Variants in PARVB observed in about 807,000 individuals in gnomAD.
PARVB encodes beta-parvin.
PARVB carries 46 observed loss-of-function variants against 47.0 expected under a neutral mutation model. That is an observed-to-expected ratio of 0.98 (90% CI 0.77 to 1.25). The LOEUF (loss-of-function observed/expected upper bound fraction) is 1.25, where lower values mean the gene tolerates loss of function less well. Ranked by LOEUF, PARVB falls within the 50% of genes most tolerant of loss-of-function variation. PARVB has a pLI of 0.00. For synonymous variants in PARVB, 196 were observed against 196.3 expected (o/e 1.00, Z 0.01); for missense variants, 473 against 471.6 (o/e 1.00, Z -0.03).
At chr22:44,148,990 C>T (rs1601684149) in intron 9 of PARVB, 1 of 152,260 alleles carries the variant, frequency 6.6e-6, no homozygotes, top group Admixed American at 6.5e-5. Context: ...ACATGTGGCC[C>T]CCAGGGACCC....
At chr22:44,144,386 T>C (rs1446180006) in intron 8 of PARVB, 1 of 152,252 alleles carries the variant, frequency 6.6e-6, no homozygotes, top group Non-Finnish European at 1.5e-5. Context: ...CACACCCCCA[T>C]CCCCAGGGGC....
intron 1 of PARVB, among the ~76,000 whole-genome samples, chr22:44,032,257 T>C (rs752508705): frequency 4.6e-5 from 7 of 152,142 alleles, no homozygotes; most frequent in Non-Finnish European, 8.8e-5. Flanking sequence ...TGAGCAGCAG[T>C]TTTGGCCTCG....
intron 1 of PARVB, among the ~76,000 whole-genome samples, chr22:44,081,962 G>C (rs2051911108): frequency 6.6e-6 from 1 of 152,252 alleles, no homozygotes; most frequent in African/African-American, 2.4e-5. Flanking sequence ...AAATGTGACA[G>C]ACGCAGCCTC....
intron 4 of PARVB, chr22:44,119,735 GTCC>G: frequency 1.9e-6 from 1 of 517,794 alleles, no homozygotes; most frequent in South Asian, 1.5e-5. Context: ...CGTGGTCCCT[GTCC>G]TCAGAACTTA....
At chr22:44,009,483 AG>A (rs1410591836) in intron 2 of PARVB, 2 of 152,190 alleles carry the variant, frequency 1.3e-5, no homozygotes, top group Non-Finnish European at 2.9e-5. Flanking sequence ...ACAGATACAA[AG>A]GCAGAGTTCA....
chr22:44,142,497 G>T (rs2053574926), intron 8 of PARVB: 1 of 150,756 alleles, frequency 6.6e-6, no homozygotes, highest in Non-Finnish European at 1.5e-5. Context: ...TTCGGGCCTT[G>T]TTGGAGGTTT....
intron 1 of PARVB, among the ~76,000 whole-genome samples, chr22:44,027,059 G>A (rs1262035814): frequency 6.6e-6 from 1 of 152,068 alleles, no homozygotes; most frequent in East Asian, 1.9e-4. Context: ...GATGTGCTAC[G>A]GGAGGCGTGT....
chr22:44,107,312 T>C (rs1187264513), intron 3 of PARVB: 1 of 152,340 alleles, frequency 6.6e-6, no homozygotes, highest in East Asian at 1.9e-4. Flanking sequence ...ATAGATGAGA[T>C]ACTTTAAATT....
At position 44,168,934 on chromosome 22, in the gene PARVB, T is replaced by A; in HGVS notation, c.*256T>A. 2.3e-6 allele frequency: 1 copy of A among 436,228 alleles called. No individual in the cohort carries two copies. The highest frequency in any genetic ancestry group is 4.2e-6 in the Non-Finnish European group (1 of 238,824). 27.0% of individuals were successfully genotyped at this position (436,228 alleles called of 1,614,324 possible). On this transcript the variant is annotated 3_prime_UTR_variant, in exon 13 of 13. Coordinates refer to ENST00000338758, the MANE Select transcript of PARVB (RefSeq NM_013327.5). ...AGGATTCTAAACACTCGTGCTTGCG[T>A]TTGAAGCCTCGCGTCACTCAGTCGC...
rs147223376 is a variant in PARVB, at chr22:44,028,090, C to T, written c.112+3639C>T. Among the ~76,000 whole-genome samples, 1,379 of 152,100 alleles carry T rather than the reference C, an allele frequency of 9.1e-3. 24 individuals carry two copies. The highest frequency in any genetic ancestry group is 0.032 in the African/African-American group (1,328 of 41,486). Reference sequence around the variant, plus strand: ...GTGCCCCCCGGCTGTGTGGTAGAGTCGTGAGCCAACGCTGAGACATCATTA... The same window carrying T: ...GTGCCCCCCGGCTGTGTGGTAGAGTTGTGAGCCAACGCTGAGACATCATTA... On this transcript the variant is annotated intron_variant, in intron 1 of 12. Transcript: ENST00000338758.
intron 3 of PARVB, chr22:44,110,902 T>C (rs1214332951): frequency 2.0e-5 from 3 of 152,210 alleles, no homozygotes; most frequent in African/African-American, 4.8e-5. Flanking sequence ...GCCCGGCCTA[T>C]ATATGCATTT....
intron 1 of PARVB, among the ~76,000 whole-genome samples, chr22:44,054,473 C>T (rs1486462948): frequency 6.6e-6 from 1 of 152,108 alleles, no homozygotes; most frequent in Non-Finnish European, 1.5e-5. Context: ...GCCTTGGCCT[C>T]CCAAAGTGCT....
intron 4 of PARVB, among the ~76,000 whole-genome samples, chr22:44,127,780 CTCT>C (rs1260016618): frequency 3.0e-5 from 1 of 32,794 alleles, no homozygotes; most frequent in East Asian, 1.4e-3. Flanking sequence ...TGAGGAGTCC[CTCT>C]TCTTTTTTTT....
Position 44,172,333 on chromosome 22 carries a change from G to A in PARVB, c.*3655G>A, listed in dbSNP as rs1414819553. 1.3e-5 allele frequency: 2 copies of A among 152,376 alleles called. No homozygotes were observed. The highest frequency in any genetic ancestry group is 4.8e-5 in the African/African-American group (2 of 41,442). The allele number at this position is 152,376 out of a possible 1,614,324, so 9.4% of individuals were successfully genotyped here. A position where few individuals can be genotyped will look rare whatever the true frequency, so the allele number is the denominator to read the frequency against. Reference sequence around the variant, plus strand: ...CTCCTCCCGGCACCACGTTTTCAGTGAATGGTTCTTTGAAGAGGAACCCTG... The same window carrying A: ...CTCCTCCCGGCACCACGTTTTCAGTAAATGGTTCTTTGAAGAGGAACCCTG... On this transcript the variant is annotated 3_prime_UTR_variant, in exon 13 of 13. Coordinates refer to ENST00000338758, the MANE Select transcript of PARVB (RefSeq NM_013327.5).
At chr22:44,131,038 T>TCCCCCCCCCCCC (rs2053298384) in intron 4 of PARVB, among the ~76,000 whole-genome samples, 1 of 98,254 alleles carries the variant, frequency 1.0e-5, no homozygotes, top group Non-Finnish European at 2.1e-5. Flanking sequence ...CTCCCCTTCC[T>TCCCCCCCCCCCC]CCCTCCCTCC....
At chr22:44,164,217 C>T (rs1434080926) in intron 12 of PARVB, among the ~76,000 whole-genome samples, 2 of 152,252 alleles carry the variant, frequency 1.3e-5, no homozygotes, top group African/African-American at 4.8e-5. Flanking sequence ...TAGCTGGCCA[C>T]TCAGGCTGGA....
chr22:44,096,682 C>G (rs58706313), intron 2 of PARVB, among the ~76,000 whole-genome samples: 1 of 152,198 alleles, frequency 6.6e-6, no homozygotes, highest in East Asian at 1.9e-4. Flanking sequence ...GCATTTTGCC[C>G]CCAGAGCTAG....
intron 3 of PARVB, chr22:44,110,078 A>T (rs1720603698): frequency 8.0e-6 from 1 of 124,390 alleles, no homozygotes; most frequent in Non-Finnish European, 1.6e-5. Context: ...CCGCCACTGC[A>T]CTCCAGCCTG....
chr22:44,077,737 CT>C (rs372922492), intron 1 of PARVB, among the ~76,000 whole-genome samples: 2 of 151,514 alleles, frequency 1.3e-5, no homozygotes, highest in African/African-American at 4.9e-5. Flanking sequence ...GATAGTTACT[CT>C]TTTTTTTTCT....
Sources: allele counts gnomAD v4.1 joint callset (sites outside exome capture counted in the v4.1 genomes callset), GRCh38; gene constraint gnomAD v4.1.1; transcripts MANE v1.5; gene names NCBI Gene and HGNC (gene_info 2026-07-23, HGNC 2026-07-21).